The following CLCN3 variants were observed in gnomAD, a reference collection of about 807,000 sequenced individuals.
CLCN3 encodes Cl-/H+ antiporter 3, also known as H(+)/Cl(-) exchange transporter 3.
Under a neutral mutation model 83.4 loss-of-function variants are expected in CLCN3, and 16 were observed. The observed-to-expected ratio is 0.19, with a 90% CI of 0.13 to 0.29. CLCN3 has a LOEUF of 0.29. CLCN3 is among the 10% of genes least tolerant of loss of function. CLCN3 has a pLI of 1.00. For synonymous variants in CLCN3, 322 were observed against 346.2 expected, an observed-to-expected ratio of 0.93 and a Z score of 0.78; for missense variants, 544 against 1,006.0, an observed-to-expected ratio of 0.54 and a Z score of 6.21.
intron 8 of CLCN3, among the ~76,000 whole-genome samples, chr4:169,696,478 T>C (rs954532764): frequency 3.3e-5 from 5 of 152,210 alleles, no homozygotes; most frequent in Non-Finnish European, 7.4e-5. Context: ...TCTATACATG[T>C]ATACATTGCG....
chr4:169,634,311 T>G (rs1773452624), intron 1 of CLCN3, among the ~76,000 whole-genome samples: 1 of 152,236 alleles, frequency 6.6e-6, no homozygotes, highest in African/African-American at 2.4e-5. Context: ...AGCCCTTCTA[T>G]TCTGTAAAGA....
chr4:169,662,382 T>A (rs2150220922), intron 2 of CLCN3, among the ~76,000 whole-genome samples: 1 of 152,316 alleles, frequency 6.6e-6, no homozygotes, highest in East Asian at 1.9e-4. Context: ...CTGTATTACC[T>A]CAAACATACT....
chr4:169,622,133 T>C (rs980088089), intron 1 of CLCN3, among the ~76,000 whole-genome samples: 2 of 152,216 alleles, frequency 1.3e-5, no homozygotes, highest in East Asian at 3.8e-4. Context: ...ACTTTGCTGC[T>C]TTACTTGAAT....
intron 8 of CLCN3, among the ~76,000 whole-genome samples, chr4:169,696,985 T>C (rs1732588854): frequency 6.6e-6 from 1 of 152,128 alleles, no homozygotes; most frequent in African/African-American, 2.4e-5. Context: ...TATGATCAAT[T>C]GATACTGTCA....
chr4:169,675,056 T>G (rs1441147673), intron 2 of CLCN3, among the ~76,000 whole-genome samples: 1 of 152,232 alleles, frequency 6.6e-6, no homozygotes, highest in Non-Finnish European at 1.5e-5. Flanking sequence ...AGGCAGGCAT[T>G]TAAATGTAAT....
intron 2 of CLCN3, among the ~76,000 whole-genome samples, chr4:169,675,930 C>A (rs1232203222): frequency 1.3e-5 from 2 of 152,080 alleles, no homozygotes; most frequent in East Asian, 3.9e-4. Context: ...TCATAGCTGT[C>A]TCTATGGTTC....
chr4:169,631,622 C>G (rs1250405709), intron 1 of CLCN3, among the ~76,000 whole-genome samples: 1 of 152,070 alleles, frequency 6.6e-6, no homozygotes, highest in Non-Finnish European at 1.5e-5. Flanking sequence ...TTGTTTTTTG[C>G]TTGTTGAATT....
rs1732212404 is a variant in CLCN3 at position 169,687,606 on chromosome 4, G to C, written c.319-52G>C. The C allele has an allele frequency of 2.2e-5, 26 of 1,187,798 alleles. No homozygotes were observed. The South Asian group carries it at 3.2e-4, about 15-fold the overall frequency. 73.6% of individuals were successfully genotyped at this position (1,187,798 alleles called of 1,614,324 possible). On this transcript the variant is annotated intron_variant, in intron 3 of 12. Transcript: ENST00000513761. ...AGAAAAATTGCTAGATTCTAGAACT[G>C]TGGCTTCTATTCATAGTTGGAAAAA...
intron 2 of CLCN3, chr4:169,660,250 C>G: frequency 8.0e-7 from 1 of 1,250,366 alleles, no homozygotes; most frequent in East Asian, 3.2e-5. Context: ...ACAGTTTTAA[C>G]CTCATCAAAT....
At chr4:169,651,168 C>CA in intron 2 of CLCN3, among the ~76,000 whole-genome samples, 1 of 151,600 alleles carries the variant, frequency 6.6e-6, no homozygotes, top group Non-Finnish European at 1.5e-5. Flanking sequence ...CATTGCATTG[C>CA]AAAAAAAATT....
At chr4:169,660,524 G>T (rs1054912376) in intron 2 of CLCN3, 4 of 1,061,464 alleles carry the variant, frequency 3.8e-6, no homozygotes, top group African/African-American at 3.3e-5. Context: ...AGCTTAAACT[G>T]GTTCTCGTTT....
chr4:169,672,340 A>G (rs1158903863), intron 2 of CLCN3, among the ~76,000 whole-genome samples: 4 of 152,012 alleles, frequency 2.6e-5, no homozygotes, highest in African/African-American at 9.7e-5. Context: ...GGGATTCACC[A>G]TGTTAGCCAG....
At chr4:169,676,978 A>G (rs1731706547) in intron 2 of CLCN3, among the ~76,000 whole-genome samples, 1 of 151,958 alleles carries the variant, frequency 6.6e-6, no homozygotes, top group Admixed American at 6.5e-5. Context: ...TTTTTTAGGA[A>G]GTTTTCTTAG....
chr4:169,693,582 T>C (rs1000427983), intron 7 of CLCN3, among the ~76,000 whole-genome samples: 2 of 123,664 alleles, frequency 1.6e-5, no homozygotes, highest in Non-Finnish European at 3.9e-5. Flanking sequence ...CCTACTTACA[T>C]TACTGCCCTT....
intron 1 of CLCN3, among the ~76,000 whole-genome samples, chr4:169,627,095 T>C (rs888928030): frequency 4.6e-5 from 7 of 152,148 alleles, no homozygotes; most frequent in Non-Finnish European, 1.0e-4. Context: ...TTCTTCATGG[T>C]TTCCCCTGTG....
At chr4:169,661,636 G>A (rs1731060923) in intron 2 of CLCN3, among the ~76,000 whole-genome samples, 1 of 151,932 alleles carries the variant, frequency 6.6e-6, no homozygotes, top group South Asian at 2.1e-4. Context: ...GCTGTGTAAG[G>A]ATCATGTTAC....
chr4:169,708,980 G>A (rs1733094132), intron 11 of CLCN3, among the ~76,000 whole-genome samples: 1 of 147,824 alleles, frequency 6.8e-6, no homozygotes, highest in Non-Finnish European at 1.5e-5. Context: ...GTTTATATAT[G>A]TAACTTTTAT....
At chr4:169,708,878 T>C (rs2150269359) in intron 11 of CLCN3, among the ~76,000 whole-genome samples, 2 of 151,520 alleles carry the variant, frequency 1.3e-5, no homozygotes, top group African/African-American at 4.8e-5. Flanking sequence ...TTACCGTGTA[T>C]GTTTTTGTAA....
chr4:169,624,509 T>C (rs548556733), intron 1 of CLCN3, among the ~76,000 whole-genome samples: 1 of 152,234 alleles, frequency 6.6e-6, no homozygotes, highest in Admixed American at 6.5e-5. Context: ...CCTCATGTGA[T>C]CTGCCCACCT....
Sources: allele counts gnomAD v4.1 joint callset (sites outside exome capture counted in the v4.1 genomes callset), GRCh38; gene constraint gnomAD v4.1.1; transcripts MANE v1.5; gene names NCBI Gene and HGNC (gene_info 2026-07-23, HGNC 2026-07-21).